The following ARHGAP26 variants were observed in gnomAD, a reference collection of about 807,000 sequenced individuals.
ARHGAP26 encodes Rho GTPase activating protein 26, also known as rho GTPase-activating protein 26.
ARHGAP26 carries 38 observed loss-of-function variants against 104.8 expected under a neutral mutation model. That is an observed-to-expected ratio of 0.36 (90% CI 0.28 to 0.48). ARHGAP26 has a LOEUF of 0.48. Among genes scored for constraint, ARHGAP26 ranks in the 20% least tolerant of loss-of-function variants. ARHGAP26 has a pLI of 0.99. For missense variants in ARHGAP26, 704 were observed against 947.9 expected (o/e 0.74, Z 3.38); for synonymous variants, 341 against 340.0 (o/e 1.00, Z -0.03).
chr5:142,995,373 A>T (rs1776231734), intron 11 of ARHGAP26, among the ~76,000 whole-genome samples: 1 of 152,262 alleles, frequency 6.6e-6, no homozygotes, highest in South Asian at 2.1e-4. Flanking sequence ...TTTTCAAAAG[A>T]AGACAAAATT....
intron 1 of ARHGAP26, among the ~76,000 whole-genome samples, chr5:142,870,338 A>G (rs1316698028): frequency 6.6e-6 from 1 of 152,186 alleles, no homozygotes; most frequent in Non-Finnish European, 1.5e-5. Flanking sequence ...ATCTTACTGG[A>G]TTGAAATTGG....
At chr5:143,120,007 C>T (rs935910474) in intron 17 of ARHGAP26, among the ~76,000 whole-genome samples, 1 of 152,048 alleles carries the variant, frequency 6.6e-6, no homozygotes, top group African/African-American at 2.4e-5. Flanking sequence ...TAGGTCTGTG[C>T]AAACTGCCTA....
intron 11 of ARHGAP26, among the ~76,000 whole-genome samples, chr5:142,933,257 C>T (rs1031902962): frequency 5.3e-5 from 8 of 152,172 alleles, no homozygotes; most frequent in Non-Finnish European, 8.8e-5. Context: ...CATTATCTAC[C>T]ATTTGTTGAG....
At position 142,870,925 on chromosome 5, in the gene ARHGAP26, T is replaced by C. The variant is rs538935993; in HGVS notation, c.155-2475T>C. Among the ~76,000 whole-genome samples the C allele has an allele frequency of 2.0e-5, 3 of 152,272 alleles. No individual in the cohort carries two copies. The East Asian group carries it at 5.8e-4, about 29-fold the overall frequency. On this transcript the variant is annotated intron_variant, in intron 1 of 22. Coordinates refer to ENST00000645722, the MANE Select transcript of ARHGAP26 (RefSeq NM_001135608.3). Reference sequence around the variant, plus strand: ...ACAAGCTTGAGATGCTGTCCCAAAGTCTGGGGAATGGATTCCAAACAAGTA... The same window carrying C: ...ACAAGCTTGAGATGCTGTCCCAAAGCCTGGGGAATGGATTCCAAACAAGTA...
intron 18 of ARHGAP26, among the ~76,000 whole-genome samples, chr5:143,122,882 A>C (rs1345274449): frequency 6.6e-6 from 1 of 152,232 alleles, no homozygotes; most frequent in East Asian, 1.9e-4. Context: ...CTAGGGCAGG[A>C]GCTCAGTCCA....
chr5:142,963,569 G>A (rs535010229), intron 11 of ARHGAP26, among the ~76,000 whole-genome samples: 1 of 151,936 alleles, frequency 6.6e-6, no homozygotes, highest in Non-Finnish European at 1.5e-5. Flanking sequence ...TCTAAACACC[G>A]TACTTACAAA....
intron 1 of ARHGAP26, among the ~76,000 whole-genome samples, chr5:142,825,436 T>C (rs1243134565): frequency 1.3e-5 from 2 of 152,032 alleles, no homozygotes; most frequent in Admixed American, 1.3e-4. Context: ...GCTGAGGTTA[T>C]GGAGATGAGA....
intron 17 of ARHGAP26, among the ~76,000 whole-genome samples, chr5:143,113,880 G>A (rs1015730668): frequency 5.9e-5 from 9 of 152,142 alleles, no homozygotes; most frequent in African/African-American, 9.7e-5. Context: ...TGCCTTTTTA[G>A]CGTAGGTTGG....
intron 20 of ARHGAP26, among the ~76,000 whole-genome samples, chr5:143,161,005 T>C (rs1413877546): frequency 7.8e-5 from 1 of 12,766 alleles, no homozygotes; most frequent in Non-Finnish European, 1.6e-4. Flanking sequence ...CTATTTCAGA[T>C]TTTTTTTTTT....
Position 142,782,384 on chromosome 5 carries a change from G to A in ARHGAP26, c.154+11469G>A, listed in dbSNP as rs564850477. ...CTGAATCTATAAGAGTGAGACCCAC[G>A]CAGGGGTCCTTAGCCTCTGCTGTCC... is the stretch of plus-strand genomic sequence containing the variant. On this transcript the variant is annotated intron_variant, in intron 1 of 22. Transcript: ENST00000645722. Among the ~76,000 whole-genome samples, 12 of 152,286 alleles carry A rather than the reference G, an allele frequency of 7.9e-5. No homozygotes were observed. The East Asian group carries it at 1.4e-3, about 17-fold the overall frequency.
chr5:143,121,244 C>A, intron 18 of ARHGAP26, 97 bp downstream of exon 18: 2 of 1,220,710 alleles, frequency 1.6e-6, no homozygotes, highest in Non-Finnish European at 2.3e-6. Context: ...CATTGCTAAT[C>A]ACTCTTACAC....
At chr5:142,957,994 A>G (rs1196764214) in intron 11 of ARHGAP26, among the ~76,000 whole-genome samples, 1 of 152,244 alleles carries the variant, frequency 6.6e-6, no homozygotes. Context: ...TCAGTTAAGA[A>G]TGGCATGCAA....
chr5:142,794,102 G>T (rs1760457485), intron 1 of ARHGAP26, among the ~76,000 whole-genome samples: 2 of 152,216 alleles, frequency 1.3e-5, no homozygotes, highest in Non-Finnish European at 2.9e-5. Context: ...CCTGGTCTCT[G>T]CATCTCTCAA....
intron 1 of ARHGAP26, among the ~76,000 whole-genome samples, chr5:142,782,023 G>GTGTTTT (rs973394843): frequency 5.9e-4 from 90 of 152,300 alleles, no homozygotes; most frequent in African/African-American, 2.1e-3. Context: ...CCGATTCATG[G>GTGTTTT]TGTTTTTGAG....
At chr5:142,877,049 G>A (rs1756230299) in intron 3 of ARHGAP26, among the ~76,000 whole-genome samples, 3 of 152,070 alleles carry the variant, frequency 2.0e-5, no homozygotes, top group Admixed American at 2.0e-4. Flanking sequence ...TTGGGGGTGG[G>A]GGTGTGGCAA....
chr5:143,209,178 C>G (rs1809046595), intron 21 of ARHGAP26, among the ~76,000 whole-genome samples: 2 of 152,168 alleles, frequency 1.3e-5, no homozygotes, highest in South Asian at 4.1e-4. Flanking sequence ...CAGCTAAAAT[C>G]CTAAAATGTC....
Position 143,014,096 on chromosome 5 carries a change from A to C in ARHGAP26, c.1124A>C (p.Lys375Thr), listed in dbSNP as rs1168784930. 6.2e-7 allele frequency: 1 copy of C among 1,614,206 alleles called. No individual in the cohort carries two copies. The highest frequency in any genetic ancestry group is 8.5e-7 in the Non-Finnish European group (1 of 1,180,022). ...DGREPVYNSN[K>T]DSQSEGTAQL... The stretch of plus-strand genomic sequence containing the variant: ...ATTTTCCAGGTCTACAACTCGAACA[A>C]AGACAGCCAGAGTGAAGGGAGTAAG... The change falls in exon 12 of 23, where the codon AAA becomes ACA. Residue 375 changes from lysine (K) to threonine (T), a missense_variant. Around this residue, in one of 6 missense-constraint regions of ARHGAP26, gnomAD observed 287 missense variants for 438.8 expected, o/e 0.65. Coordinates refer to ENST00000645722, the MANE Select transcript of ARHGAP26 (RefSeq NM_001135608.3).
At chr5:142,804,489 A>G (rs1045813280) in intron 1 of ARHGAP26, among the ~76,000 whole-genome samples, 1 of 152,000 alleles carries the variant, frequency 6.6e-6, no homozygotes, top group African/African-American at 2.4e-5. Context: ...AACAGATTTT[A>G]TTTTTTATTT....
At chr5:142,936,714 A>G (rs1765473179) in intron 11 of ARHGAP26, among the ~76,000 whole-genome samples, 1 of 152,162 alleles carries the variant, frequency 6.6e-6, no homozygotes, top group Non-Finnish European at 1.5e-5. Context: ...CCAGAAATAG[A>G]CTCACACAAA....
Sources: gnomAD v4.1 joint callset for allele counts (sites outside exome capture counted in the v4.1 genomes callset) on GRCh38, gnomAD v4.1.1 for gene constraint, gnomAD v4.1.1 regional missense constraint, MANE v1.5 for transcripts, NCBI Gene and HGNC (gene_info 2026-07-23, HGNC 2026-07-21) for gene names.